TANC1: variants seen among roughly 807,000 people sequenced by gnomAD.
TANC1 encodes the protein protein TANC1.
TANC1 carries 77 observed loss-of-function variants against 149.7 expected under a neutral mutation model. The ratio of observed to expected loss-of-function variants is 0.51; its 90% CI spans 0.43 to 0.62. TANC1 has a LOEUF of 0.62. TANC1 is among the 20% of genes least tolerant of loss of function. TANC1 has a pLI of 0.00. For missense variants in TANC1, 1,985 were observed against 2,321.8 expected (o/e 0.85, Z 2.98); for synonymous variants, 854 against 925.0 (o/e 0.92, Z 1.39).
At chr2:159,176,311 T>A (rs370435129) in intron 12 of TANC1, 41 bp from the exon 13 acceptor site, 1 of 1,219,724 alleles carries the variant, frequency 8.2e-7, no homozygotes, top group Non-Finnish European at 1.1e-6. Flanking sequence ...CTTAGAGAAA[T>A]GTATAATTTC....
intron 2 of TANC1, among the ~76,000 whole-genome samples, chr2:159,008,023 A>G (rs2037391315): frequency 6.6e-6 from 1 of 152,270 alleles, no homozygotes; most frequent in African/African-American, 2.4e-5. Context: ...GACCTAAAAT[A>G]TCACTTGAAG....
At chr2:159,075,407 A>C (rs1040379182) in intron 3 of TANC1, among the ~76,000 whole-genome samples, 4 of 110,448 alleles carry the variant, frequency 3.6e-5, no homozygotes, top group Non-Finnish European at 9.6e-5. Flanking sequence ...GTCTATTAAA[A>C]AAAAAAAACA....
chr2:159,032,549 G>C (rs1034200637), intron 2 of TANC1, among the ~76,000 whole-genome samples: 1 of 152,102 alleles, frequency 6.6e-6, no homozygotes, highest in Non-Finnish European at 1.5e-5. Flanking sequence ...GGATTGAAAG[G>C]CTGTTAAAAT....
chr2:159,051,173 G>C (rs1011023154), intron 2 of TANC1, among the ~76,000 whole-genome samples: 21 of 152,268 alleles, frequency 1.4e-4, no homozygotes, highest in African/African-American at 5.1e-4. Context: ...TAATTGGGCT[G>C]TTTTTCCTTA....
intron 2 of TANC1, among the ~76,000 whole-genome samples, chr2:159,033,375 G>A (rs899255606): frequency 7.9e-5 from 12 of 152,304 alleles, no homozygotes; most frequent in Non-Finnish European, 1.3e-4. Flanking sequence ...AGGAAGAATC[G>A]TAAATGTATG....
intron 16 of TANC1, among the ~76,000 whole-genome samples, chr2:159,189,750 G>A (rs1207252005): frequency 6.6e-6 from 1 of 152,146 alleles, no homozygotes; most frequent in Non-Finnish European, 1.5e-5. Context: ...TGTGTTTACA[G>A]CCCTGGCTGC....
At chr2:159,168,630 T>A (rs551035298) in intron 8 of TANC1, among the ~76,000 whole-genome samples, 1 of 152,032 alleles carries the variant, frequency 6.6e-6, no homozygotes, top group African/African-American at 2.4e-5. Context: ...AATACTTAGG[T>A]GATATGAGTC....
chr2:159,047,595 A>G (rs2041170616), intron 2 of TANC1, among the ~76,000 whole-genome samples: 1 of 152,148 alleles, frequency 6.6e-6, no homozygotes, highest in Non-Finnish European at 1.5e-5. Flanking sequence ...AAAAGAATGC[A>G]ACAGTTGGTC....
chr2:159,124,372 A>T (rs1466471540), intron 4 of TANC1, among the ~76,000 whole-genome samples: 3 of 152,058 alleles, frequency 2.0e-5, no homozygotes, highest in Non-Finnish European at 4.4e-5. Flanking sequence ...TGAGTGGGGC[A>T]TCGGAATCAC....
At chr2:159,176,259 C>T in intron 12 of TANC1, 93 bp from the exon 13 acceptor site, 1 of 658,036 alleles carries the variant, frequency 1.5e-6, no homozygotes, top group Non-Finnish European at 2.4e-6. Context: ...TTTTTAGTTT[C>T]TAACACTAAA....
At chr2:159,108,439 G>A (rs560594226) in intron 4 of TANC1, among the ~76,000 whole-genome samples, 4 of 152,176 alleles carry the variant, frequency 2.6e-5, no homozygotes, top group East Asian at 3.9e-4. Context: ...GTCAGATGGC[G>A]GCTGGAACAA....
rs757959008 is a variant in TANC1 at position 159,175,020 on chromosome 2, G to A, written c.1571G>A (p.Ser524Asn). The change falls in exon 12 of 27, where the codon AGC becomes AAC. Residue 524 changes from serine (S) to asparagine (N), a missense_variant. Physicochemically the swap from Ser to Asn is conservative, Grantham distance 46. Coordinates refer to ENST00000263635, the MANE Select transcript of TANC1 (RefSeq NM_033394.3). ...TGCCTGGTGCCCGAGTTTGTGCACA[G>A]CATCGCAGCTTTGCTCTGCCGGTCC... Reference protein sequence around the residue: ...YTCLVPEFVHSIAALLCRSHQ... With the variant: ...YTCLVPEFVHNIAALLCRSHQ... 2 of 1,614,208 alleles carry A rather than the reference G, an allele frequency of 1.2e-6. No homozygotes were observed. Among genetic ancestry groups the A allele is most frequent in the Admixed American group, 3.3e-5 (2 of 60,022 alleles).
chr2:159,158,087 G>C (rs1275137925), intron 7 of TANC1, among the ~76,000 whole-genome samples: 1 of 152,160 alleles, frequency 6.6e-6, no homozygotes, highest in African/African-American at 2.4e-5. Context: ...CGGGCATGGT[G>C]GGTCACGCCT....
At chr2:159,028,187 C>G (rs1449090164) in intron 2 of TANC1, among the ~76,000 whole-genome samples, 1 of 152,122 alleles carries the variant, frequency 6.6e-6, no homozygotes, top group Admixed American at 6.6e-5. Flanking sequence ...ATGGTGCAAT[C>G]TCACCTCACT....
intron 7 of TANC1, 23 bp from the exon 8 acceptor site, chr2:159,163,260 A>C (rs1418558017): frequency 8.1e-6 from 13 of 1,604,644 alleles, no homozygotes; most frequent in Admixed American, 1.7e-5. Flanking sequence ...CCTCCTTCAA[A>C]GTATTTTGGT....
chr2:158,994,600 G>C (rs2035970058), intron 1 of TANC1, among the ~76,000 whole-genome samples: 1 of 152,170 alleles, frequency 6.6e-6, no homozygotes, highest in East Asian at 1.9e-4. Context: ...GTACAAAGTA[G>C]ATTAGTTGTC....
At chr2:159,090,358 A>G (rs1354312299) in intron 3 of TANC1, among the ~76,000 whole-genome samples, 1 of 152,196 alleles carries the variant, frequency 6.6e-6, no homozygotes, top group South Asian at 2.1e-4. Flanking sequence ...TGTCTTGGGA[A>G]GTGGCATAAG....
chr2:159,124,742 A>ATT (rs112193005), intron 4 of TANC1, among the ~76,000 whole-genome samples: 9 of 144,968 alleles, frequency 6.2e-5, no homozygotes, highest in East Asian at 2.0e-4. Context: ...AATCAGCTGC[A>ATT]TTTTTTTTTT....
At chr2:158,991,022 G>T (rs2035566234) in intron 1 of TANC1, among the ~76,000 whole-genome samples, 1 of 150,540 alleles carries the variant, frequency 6.6e-6, no homozygotes, top group African/African-American at 2.4e-5. Context: ...AGCCAGCGAG[G>T]TGGAGGTTGT....
Sources: allele counts gnomAD v4.1 joint callset (sites outside exome capture counted in the v4.1 genomes callset), GRCh38; gene constraint gnomAD v4.1.1; transcripts MANE v1.5; gene names NCBI Gene and HGNC (gene_info 2026-07-23, HGNC 2026-07-21).